Variants in PAK5 observed in about 807,000 individuals in gnomAD.
The protein encoded by PAK5 is p21 (RAC1) activated kinase 5, also known as serine/threonine-protein kinase PAK 5.
Under a neutral mutation model 65.9 loss-of-function variants are expected in PAK5, and 16 were observed. That is an observed-to-expected ratio of 0.24 (90% CI 0.16 to 0.37). The LOEUF is 0.37. Among genes scored for constraint, PAK5 ranks in the 10% least tolerant of loss-of-function variants. PAK5 has a pLI of 1.00. For missense variants in PAK5, 785 were observed against 903.9 expected (o/e 0.87, Z 1.69); for synonymous variants, 371 against 354.9 (o/e 1.05, Z -0.51).
intron 7 of PAK5, among the ~76,000 whole-genome samples, chr20:9,546,261 T>C (rs1007041571): frequency 2.0e-5 from 3 of 152,230 alleles, no homozygotes; most frequent in African/African-American, 7.2e-5. Context: ...ATCACACACC[T>C]ATCTCTCTAT....
intron 1 of PAK5, among the ~76,000 whole-genome samples, chr20:9,817,628 C>A (rs573822960): frequency 6.6e-6 from 1 of 152,230 alleles, no homozygotes; most frequent in South Asian, 2.1e-4. Context: ...GGAGTGATGA[C>A]AACCCACAGC....
chr20:9,779,741 A>G (rs1343784625), intron 1 of PAK5, among the ~76,000 whole-genome samples: 2 of 151,986 alleles, frequency 1.3e-5, no homozygotes, highest in Admixed American at 1.3e-4. Flanking sequence ...TTACAACTCA[A>G]CTTAAAACAC....
intron 2 of PAK5, among the ~76,000 whole-genome samples, chr20:9,646,464 A>G (rs1448927670): frequency 6.6e-6 from 1 of 152,248 alleles, no homozygotes; most frequent in Non-Finnish European, 1.5e-5. Flanking sequence ...AAATATAGTT[A>G]TAACTTAAAA....
intron 2 of PAK5, among the ~76,000 whole-genome samples, chr20:9,655,217 T>C (rs1208094705): frequency 6.6e-6 from 1 of 152,230 alleles, no homozygotes; most frequent in Non-Finnish European, 1.5e-5. Context: ...CCAAACCCCT[T>C]ATCCCAGCTC....
At chr20:9,544,685 C>T (rs1251069243) in intron 7 of PAK5, among the ~76,000 whole-genome samples, 191 bp from the exon 8 acceptor site, 3 of 152,082 alleles carry the variant, frequency 2.0e-5, no homozygotes, top group African/African-American at 4.8e-5. Context: ...AAACTTCTCC[C>T]GGGCCCACCA....
At chr20:9,754,685 G>A (rs2048614050) in intron 1 of PAK5, among the ~76,000 whole-genome samples, 1 of 152,134 alleles carries the variant, frequency 6.6e-6, no homozygotes, top group African/African-American at 2.4e-5. Flanking sequence ...GGCAAGAAGG[G>A]GTTTTGTTTC....
intron 2 of PAK5, among the ~76,000 whole-genome samples, chr20:9,653,048 C>T (rs188817668): frequency 3.5e-4 from 53 of 152,298 alleles, no homozygotes; most frequent in African/African-American, 1.1e-3. Context: ...TCTAACTCCT[C>T]GCTTCAACTC....
intron 7 of PAK5, among the ~76,000 whole-genome samples, chr20:9,548,032 C>T (rs2045370425): frequency 6.6e-6 from 1 of 152,212 alleles, no homozygotes. Context: ...ACCCCATCTT[C>T]CTACTGCTGG....
At chr20:9,800,842 TAG>T (rs913281919) in intron 1 of PAK5, among the ~76,000 whole-genome samples, 1 of 151,856 alleles carries the variant, frequency 6.6e-6, no homozygotes, top group Admixed American at 6.6e-5. Flanking sequence ...ACTAAGGAGT[TAG>T]AGATTCTCCA....
intron 3 of PAK5, among the ~76,000 whole-genome samples, chr20:9,639,313 C>G (rs993744453): frequency 3.3e-5 from 5 of 152,154 alleles, no homozygotes; most frequent in Non-Finnish European, 7.3e-5. Flanking sequence ...TGTCTACTGT[C>G]TGCCAGTGAT....
At chr20:9,727,302 T>A (rs1187102303) in intron 1 of PAK5, among the ~76,000 whole-genome samples, 6 of 152,292 alleles carry the variant, frequency 3.9e-5, no homozygotes, top group Admixed American at 3.9e-4. Context: ...TTTTCACTGA[T>A]TAACCAAATC....
chr20:9,733,646 T>C (rs1164625663), intron 1 of PAK5, among the ~76,000 whole-genome samples: 2 of 152,238 alleles, frequency 1.3e-5, no homozygotes, highest in East Asian at 1.9e-4. Context: ...GGTTTCACCA[T>C]ATTGGCCAGA....
chr20:9,546,745 C>CAGCAATGA (rs1568955373), intron 7 of PAK5, among the ~76,000 whole-genome samples: 1 of 152,110 alleles, frequency 6.6e-6, no homozygotes, highest in Non-Finnish European at 1.5e-5. Context: ...CTGTTGTGCT[C>CAGCAATGA]AGCAATGAGG....
intron 1 of PAK5, among the ~76,000 whole-genome samples, chr20:9,740,409 T>C (rs2048438522): frequency 6.6e-6 from 1 of 152,160 alleles, no homozygotes; most frequent in Non-Finnish European, 1.5e-5. Flanking sequence ...ACCTGCTAGG[T>C]AACCTGTAGA....
At chr20:9,617,274 GGCT>G (rs1392524046) in intron 3 of PAK5, among the ~76,000 whole-genome samples, 7 of 152,130 alleles carry the variant, frequency 4.6e-5, no homozygotes, top group African/African-American at 1.7e-4. Context: ...GAGAAAGCCA[GGCT>G]GCTTTAACCA....
rs938305466 is a variant in PAK5 at position 9,568,259 on chromosome 20, C to T, written c.991-1875G>A. Among the ~76,000 whole-genome samples the T allele has an allele frequency of 1.2e-4, 19 of 152,068 alleles. 1 individual carries two copies. Among genetic ancestry groups the T allele is most frequent in the Non-Finnish European group, 2.9e-5 (2 of 68,020 alleles). On this transcript the variant is annotated intron_variant, in intron 4 of 9. Coordinates refer to ENST00000353224, the MANE Select transcript of PAK5 (RefSeq NM_177990.4). ...AAACAGGGATGCCAGCAGCTTATCACAGTTAATGTGGGCTGAGATTAGGGT... is the reference window on the plus strand; with the variant it reads ...AAACAGGGATGCCAGCAGCTTATCATAGTTAATGTGGGCTGAGATTAGGGT...
intron 1 of PAK5, among the ~76,000 whole-genome samples, chr20:9,796,585 AC>A (rs1234063059): frequency 6.6e-6 from 1 of 152,108 alleles, no homozygotes; most frequent in Non-Finnish European, 1.5e-5. Flanking sequence ...AGTGAAGGTG[AC>A]CATCAGATTT....
At chr20:9,540,419 G>A (rs6086933) in intron 9 of PAK5, among the ~76,000 whole-genome samples, 28,543 of 152,108 alleles carry the variant, frequency 0.19, 3,508 homozygotes, top group African/African-American at 0.35. Flanking sequence ...TTAATTTATA[G>A]CATAACTTAG....
chr20:9,603,718 T>C (rs1355153986), intron 3 of PAK5, among the ~76,000 whole-genome samples: 1 of 152,192 alleles, frequency 6.6e-6, no homozygotes, highest in Non-Finnish European at 1.5e-5. Flanking sequence ...TGTGCTGCTA[T>C]ACACACCCTT....
Sources: allele counts gnomAD v4.1 joint callset (sites outside exome capture counted in the v4.1 genomes callset), GRCh38; gene constraint gnomAD v4.1.1; transcripts MANE v1.5; gene names NCBI Gene and HGNC (gene_info 2026-07-23, HGNC 2026-07-21).